FANCC: variants seen among roughly 807,000 people sequenced by gnomAD.
The protein encoded by FANCC is FA complementation group C.
A neutral mutation model predicts 71.3 loss-of-function variants in FANCC; 55 were observed. The observed-to-expected ratio is 0.77, with a 90% CI of 0.62 to 0.97. The LOEUF is 0.97. FANCC is among the 50% of genes least tolerant of loss of function. The pLI is 0.00. For missense variants in FANCC, 678 were observed against 670.9 expected (o/e 1.01, Z -0.12); for synonymous variants, 275 against 244.9 (o/e 1.12, Z -1.15).
At chr9:95,305,423 G>T (rs1163032681) in intron 1 of FANCC, among the ~76,000 whole-genome samples, 1 of 152,204 alleles carries the variant, frequency 6.6e-6, no homozygotes, top group Non-Finnish European at 1.5e-5. Context: ...TACAGGTTTT[G>T]AATGCTTGTC....
intron 7 of FANCC, among the ~76,000 whole-genome samples, chr9:95,137,395 G>A (rs1827860649): frequency 6.6e-6 from 1 of 151,964 alleles, no homozygotes; most frequent in African/African-American, 2.4e-5. Flanking sequence ...GGGAGGGAGG[G>A]TACATTCACC....
At chr9:95,203,458 C>T (rs1348988777) in intron 4 of FANCC, among the ~76,000 whole-genome samples, 2 of 150,796 alleles carry the variant, frequency 1.3e-5, no homozygotes, top group Non-Finnish European at 2.9e-5. Context: ...AATTTCACTA[C>T]ATTTTATATG....
At chr9:95,141,800 T>C (rs1040521950) in intron 7 of FANCC, among the ~76,000 whole-genome samples, 1 of 152,184 alleles carries the variant, frequency 6.6e-6, no homozygotes, top group Admixed American at 6.5e-5. Context: ...TGTTTTCTTA[T>C]TAAGCATTGT....
chr9:95,290,996 G>C (rs1833963712), intron 1 of FANCC, among the ~76,000 whole-genome samples: 1 of 152,118 alleles, frequency 6.6e-6, no homozygotes, highest in Admixed American at 6.5e-5. Flanking sequence ...CATCTCAATA[G>C]ATGCAGAAAG....
chr9:95,314,226 T>C (rs1167799918), intron 1 of FANCC, among the ~76,000 whole-genome samples: 3 of 152,232 alleles, frequency 2.0e-5, no homozygotes, highest in South Asian at 2.1e-4. Flanking sequence ...ACAAGGAAGG[T>C]TGCAAGATAT....
chr9:95,114,991 A>T (rs1400740626), intron 11 of FANCC, among the ~76,000 whole-genome samples: 1 of 152,156 alleles, frequency 6.6e-6, no homozygotes, highest in Non-Finnish European at 1.5e-5. Context: ...CAGAGGCTGG[A>T]GTGCAGTGGT....
At chr9:95,146,054 T>C (rs1251571330) in intron 7 of FANCC, among the ~76,000 whole-genome samples, 2 of 152,062 alleles carry the variant, frequency 1.3e-5, no homozygotes, top group Non-Finnish European at 2.9e-5. Flanking sequence ...CCTGACTAGA[T>C]ATGTGATGAT....
Position 95,130,680 on chromosome 9 carries a change from G to A in FANCC, c.844-4099C>T, listed in dbSNP as rs114814811. ...GTTTACCCAGCAGCCGGACAATCCC[G>A]TCCCACCGTGTAGCTGTTTCCGAGC... On this transcript the variant is annotated intron_variant, in intron 8 of 14. Transcript: ENST00000289081. Among the ~76,000 whole-genome samples the A allele has an allele frequency of 3.6e-3, 550 of 152,292 alleles. 4 individuals carry two copies. The highest frequency in any genetic ancestry group is 0.012 in the African/African-American group (490 of 41,554).
intron 4 of FANCC, among the ~76,000 whole-genome samples, chr9:95,225,563 TAAAAC>T (rs1393814547): frequency 3.3e-5 from 5 of 152,028 alleles, no homozygotes; most frequent in Admixed American, 1.3e-4. Context: ...AACATGATCA[TAAAAC>T]AAAACAAACT....
rs116336748 is a variant in FANCC at position 95,166,949 on chromosome 9, T to C, written c.521+4130A>G. On this transcript the variant is annotated intron_variant, in intron 6 of 14. Transcript: ENST00000289081. ...GTTGCTAATATTCTTTCATTTCAAC[T>C]TGAAGGACTCCCTTTAGCAATTCTT... Among the ~76,000 whole-genome samples the C allele has an allele frequency of 2.1e-3, 314 of 152,320 alleles. 1 individual carries two copies. The highest frequency in any genetic ancestry group is 6.9e-3 in the African/African-American group (287 of 41,596).
chr9:95,292,607 C>A, intron 1 of FANCC: 1 of 1,457,920 alleles, frequency 6.9e-7, no homozygotes, highest in Non-Finnish European at 9.6e-7. Flanking sequence ...TGCGCGGCTG[C>A]CGCAAGATCC....
rs532682039 is a variant in FANCC at position 95,220,774 on chromosome 9, G to A, written c.345+19875C>T. Reference sequence around the variant, plus strand: ...AGGAGAAATACCTAATGTAAATGACGAGTTAATGGGTGCAGCACACCAACA... The same window carrying A: ...AGGAGAAATACCTAATGTAAATGACAAGTTAATGGGTGCAGCACACCAACA... On this transcript the variant is annotated intron_variant, in intron 4 of 14. Transcript: ENST00000289081. Among the ~76,000 whole-genome samples the A allele has an allele frequency of 2.4e-3, 367 of 152,116 alleles. 1 individual carries two copies. Among genetic ancestry groups the A allele is most frequent in the Non-Finnish European group, 4.2e-3 (285 of 67,990 alleles).
chr9:95,144,442 C>A (rs1012285957), intron 7 of FANCC, among the ~76,000 whole-genome samples: 4 of 152,204 alleles, frequency 2.6e-5, no homozygotes, highest in African/African-American at 9.7e-5. Context: ...GAGTGTGGGC[C>A]TGCTTGGGGA....
chr9:95,238,271 A>G (rs147278174), intron 4 of FANCC, among the ~76,000 whole-genome samples: 1 of 152,312 alleles, frequency 6.6e-6, no homozygotes, highest in African/African-American at 2.4e-5. Context: ...CTCTGCCAGC[A>G]AATCAGCTTG....
At chr9:95,150,160 T>G in intron 6 of FANCC, 73 bp from the exon 7 acceptor site, 2 of 1,546,336 alleles carry the variant, frequency 1.3e-6, no homozygotes, top group South Asian at 1.2e-5. Flanking sequence ...AAAACCTTCA[T>G]GCTAAAAAGG....
chr9:95,237,529 G>A (rs1421852278), intron 4 of FANCC, among the ~76,000 whole-genome samples: 1 of 152,224 alleles, frequency 6.6e-6, no homozygotes, highest in Non-Finnish European at 1.5e-5. Flanking sequence ...CAGCTGCCCT[G>A]TCCAACACGG....
Position 95,247,489 on chromosome 9 carries a change from G to T in FANCC, c.193C>A (p.Pro65Thr). The change falls in exon 3 of 15, where the codon CCC (proline) becomes ACC (threonine). Residue 65 changes from proline (P) to threonine (T), a missense_variant. Physicochemically the swap from Pro to Thr is conservative, Grantham distance 38. Coordinates refer to ENST00000289081, the MANE Select transcript of FANCC (RefSeq NM_000136.3). ...TTTGCCAACAGTTGACCAATTGTGG[G>T]GAATCTTTCAATGACTGTATTAGAA... ...MDSNTVIERFPTIGQLLAKAC... is the reference protein window; with the variant it reads ...MDSNTVIERFTTIGQLLAKAC... 6.2e-7 allele frequency: 1 copy of T among 1,613,648 alleles called. No individual in the cohort carries two copies. Among genetic ancestry groups the T allele is most frequent in the Non-Finnish European group, 8.5e-7 (1 of 1,179,740 alleles).
chr9:95,213,496 A>G (rs1053468401), intron 4 of FANCC, among the ~76,000 whole-genome samples: 5 of 152,256 alleles, frequency 3.3e-5, no homozygotes, highest in South Asian at 2.1e-4. Context: ...CCAATAATAA[A>G]TCCCTGCATA....
chr9:95,123,361 T>C lies in FANCC; in HGVS notation c.996+1725A>G, dbSNP rs190852995. ...GTTGCTTTAAAAAGCAGAAACAGGC[T>C]GGGTGTGGTGGCTCACACCTGTAAC... On this transcript the variant is annotated intron_variant, in intron 10 of 14. Transcript: ENST00000289081. 1.6e-4 allele frequency: 60 copies of C among 380,470 alleles called. No individual in the cohort carries two copies. The East Asian group carries it at 3.9e-3, about 25-fold the overall frequency. 23.6% of individuals were successfully genotyped at this position (380,470 alleles called of 1,614,324 possible).
Sources: gnomAD v4.1 joint callset for allele counts (sites outside exome capture counted in the v4.1 genomes callset) on GRCh38, gnomAD v4.1.1 for gene constraint, MANE v1.5 for transcripts, NCBI Gene and HGNC (gene_info 2026-07-23, HGNC 2026-07-21) for gene names.